DACH1: variants seen among roughly 807,000 people sequenced by gnomAD.
DACH1 encodes the protein dachshund homolog 1.
DACH1 carries 12 observed loss-of-function variants against 54.2 expected under a neutral mutation model. The observed-to-expected ratio is 0.22, with a 90% confidence interval of 0.14 to 0.36. DACH1 has a LOEUF of 0.36. Among genes scored for constraint, DACH1 ranks in the 10% least tolerant of loss-of-function variants. DACH1 has a pLI of 1.00. For missense variants in DACH1, 805 were observed against 929.8 expected (o/e 0.87, Z 1.75); for synonymous variants, 386 against 366.2 (o/e 1.05, Z -0.62).
Position 71,439,244 on chromosome 13 carries a change from T to C in DACH1, c.*1411A>G, listed in dbSNP as rs550571053. On this transcript the variant is annotated 3_prime_UTR_variant, in exon 11 of 11. Coordinates refer to ENST00000613252, the MANE Select transcript of DACH1 (RefSeq NM_080759.6). The stretch of plus-strand genomic sequence containing the variant: ...GACCGTACTGATTCATATCAGTCTT[T>C]AAAGGTGTAATTCCAGATATGCAAA... 18 of 152,572 alleles carry C rather than the reference T, an allele frequency of 1.2e-4. No homozygotes were observed. Among genetic ancestry groups the C allele is most frequent in the African/African-American group, 4.3e-4 (18 of 41,564 alleles). 9.5% of individuals were successfully genotyped at this position (152,572 alleles called of 1,614,324 possible). A position where few individuals can be genotyped will look rare whatever the true frequency, so the allele number is the denominator to read the frequency against.
chr13:71,617,228 C>A (rs1875849606), intron 3 of DACH1, among the ~76,000 whole-genome samples: 1 of 152,098 alleles, frequency 6.6e-6, no homozygotes, highest in Admixed American at 6.6e-5. Flanking sequence ...GCATGCAGAC[C>A]TATTTCTTAG....
chr13:71,839,739 A>G (rs1888943971), intron 1 of DACH1, among the ~76,000 whole-genome samples: 1 of 152,160 alleles, frequency 6.6e-6, no homozygotes, highest in South Asian at 2.1e-4. Flanking sequence ...ACAAGCATCT[A>G]ACTCAAAGTC....
intron 1 of DACH1, among the ~76,000 whole-genome samples, chr13:71,784,705 A>C (rs1348482665): frequency 6.6e-6 from 1 of 152,126 alleles, no homozygotes; most frequent in Non-Finnish European, 1.5e-5. Context: ...AGCCAAGAAA[A>C]GTTTTGTCAT....
chr13:71,614,724 C>A (rs1875621027), intron 3 of DACH1, among the ~76,000 whole-genome samples: 1 of 151,766 alleles, frequency 6.6e-6, no homozygotes, highest in African/African-American at 2.4e-5. Context: ...TGTGATGGTG[C>A]ATGCCTGTAG....
intron 1 of DACH1, among the ~76,000 whole-genome samples, chr13:71,712,470 GA>G (rs1226008200): frequency 6.6e-6 from 1 of 152,026 alleles, no homozygotes; most frequent in Non-Finnish European, 1.5e-5. Flanking sequence ...GACAAAATGT[GA>G]AATAAACTAC....
chr13:71,717,854 A>C (rs1464387625), intron 1 of DACH1, among the ~76,000 whole-genome samples: 1 of 151,960 alleles, frequency 6.6e-6, no homozygotes, highest in African/African-American at 2.4e-5. Context: ...TTTCAGTCAA[A>C]ACCAATATGG....
intron 7 of DACH1, among the ~76,000 whole-genome samples, chr13:71,483,444 T>A (rs1383420992): frequency 6.8e-6 from 1 of 146,510 alleles, no homozygotes; most frequent in Non-Finnish European, 1.5e-5. Context: ...TATATAAAAA[T>A]TAATATAATA....
chr13:71,768,897 G>T (rs543296995), intron 1 of DACH1, among the ~76,000 whole-genome samples: 1 of 151,830 alleles, frequency 6.6e-6, no homozygotes, highest in Admixed American at 6.6e-5. Flanking sequence ...TCTGAGTCTT[G>T]GAGCTTTTTT....
intron 6 of DACH1, among the ~76,000 whole-genome samples, chr13:71,512,882 T>A (rs1880886149): frequency 6.6e-6 from 1 of 151,892 alleles, no homozygotes. Context: ...TCTAGAAGAA[T>A]AATCTTTTTT....
At chr13:71,559,619 T>C (rs888532846) in intron 5 of DACH1, among the ~76,000 whole-genome samples, 2 of 152,146 alleles carry the variant, frequency 1.3e-5, no homozygotes, top group Non-Finnish European at 2.9e-5. Flanking sequence ...GAGAGGAAAT[T>C]TATATCAGGA....
chr13:71,851,627 G>T (rs1873673992), intron 1 of DACH1, among the ~76,000 whole-genome samples: 1 of 152,042 alleles, frequency 6.6e-6, no homozygotes, highest in Admixed American at 6.6e-5. Context: ...AGCCCCCACA[G>T]CTCAGCAAAT....
rs9564834 is a variant in DACH1, at chr13:71,628,182, T to C, written c.1126+2374A>G. ...GCATTGTCCTCAGAACCAGAGAAGA[T>C]TGTGGCCATCAAAGCTGCAATTCAG... On this transcript the variant is annotated intron_variant, in intron 3 of 10. Coordinates refer to ENST00000613252, the MANE Select transcript of DACH1 (RefSeq NM_080759.6). Among the ~76,000 whole-genome samples, 8 of 152,100 alleles carry C rather than the reference T, an allele frequency of 5.3e-5. No individual in the cohort carries two copies. The East Asian group carries it at 7.7e-4, about 15-fold the overall frequency.
intron 3 of DACH1, among the ~76,000 whole-genome samples, chr13:71,622,347 C>T (rs1876309314): frequency 6.6e-6 from 1 of 151,906 alleles, no homozygotes; most frequent in Non-Finnish European, 1.5e-5. Context: ...AATCTCTAAA[C>T]ATATATTTTT....
Position 71,475,699 on chromosome 13 carries a change from C to T in DACH1, c.2014+7G>A, listed in dbSNP as rs1489051360. 4 of 1,607,702 alleles carry T rather than the reference C, an allele frequency of 2.5e-6. No homozygotes were observed. The Admixed American group carries it at 5.1e-5, about 21-fold the overall frequency. On this transcript the variant is annotated splice_region_variant and intron_variant, in intron 9 of 10. Coordinates refer to ENST00000613252, the MANE Select transcript of DACH1 (RefSeq NM_080759.6). ...AGTTATTCATGCAATAATATACACC[C>T]TCTTACCATTTAAGACCCTGAGACT...
chr13:71,657,818 C>T (rs1879230711), intron 2 of DACH1, among the ~76,000 whole-genome samples: 2 of 151,380 alleles, frequency 1.3e-5, no homozygotes, highest in African/African-American at 4.9e-5. Flanking sequence ...ACTATGTTGC[C>T]CGGGCTTGTC....
chr13:71,462,460 T>C (rs1876159452), intron 10 of DACH1, among the ~76,000 whole-genome samples: 1 of 151,814 alleles, frequency 6.6e-6, no homozygotes, highest in Non-Finnish European at 1.5e-5. Flanking sequence ...ATCTGGTGAA[T>C]ATTTATTTCA....
intron 7 of DACH1, among the ~76,000 whole-genome samples, chr13:71,486,248 TA>T (rs879330338): frequency 6.6e-6 from 1 of 152,066 alleles, no homozygotes; most frequent in Non-Finnish European, 1.5e-5. Context: ...TTAATTTTAA[TA>T]AAAAATAACA....
At chr13:71,814,900 A>G (rs544811756) in intron 1 of DACH1, among the ~76,000 whole-genome samples, 1 of 152,342 alleles carries the variant, frequency 6.6e-6, no homozygotes. Flanking sequence ...CTAACATAGC[A>G]TATGATTTTA....
chr13:71,602,578 C>A (rs1874575400), intron 3 of DACH1, among the ~76,000 whole-genome samples: 1 of 151,920 alleles, frequency 6.6e-6, no homozygotes, highest in Non-Finnish European at 1.5e-5. Context: ...ATGAACCCAG[C>A]AACAAAAAGA....
Sources: allele counts gnomAD v4.1 joint callset (sites outside exome capture counted in the v4.1 genomes callset), GRCh38; gene constraint gnomAD v4.1.1; transcripts MANE v1.5; gene names NCBI Gene and HGNC (gene_info 2026-07-23, HGNC 2026-07-21).